The following CDKAL1 variants were observed in gnomAD, a reference collection of about 807,000 sequenced individuals.
The protein encoded by CDKAL1 is CDKAL1 threonylcarbamoyladenosine tRNA methylthiotransferase.
Under a neutral mutation model 68.2 loss-of-function variants are expected in CDKAL1, and 32 were observed. That is an observed-to-expected ratio of 0.47 (90% CI 0.35 to 0.63). The LOEUF (loss-of-function observed/expected upper bound fraction) is 0.63. Ranked by LOEUF, CDKAL1 falls within the 30% of genes least tolerant of loss-of-function variation. CDKAL1 has a pLI of 0.00. For missense variants in CDKAL1, 606 were observed against 696.7 expected (o/e 0.87, Z 1.47); for synonymous variants, 234 against 244.3 (o/e 0.96, Z 0.39).
At chr6:20,881,750 CAT>C (rs1760833282) in intron 9 of CDKAL1, among the ~76,000 whole-genome samples, 2 of 152,078 alleles carry the variant, frequency 1.3e-5, no homozygotes, top group Admixed American at 1.3e-4. Context: ...TTGTGCATCT[CAT>C]GTCTATACTC....
intron 5 of CDKAL1, among the ~76,000 whole-genome samples, chr6:20,731,000 A>T (rs1402400825): frequency 6.6e-6 from 1 of 152,158 alleles, no homozygotes; most frequent in African/African-American, 2.4e-5. Context: ...TGGGCCAAGA[A>T]TGTATCAGTG....
At chr6:20,634,977 CA>C (rs142659533) in intron 4 of CDKAL1, among the ~76,000 whole-genome samples, 36,748 of 99,342 alleles carry the variant, frequency 0.37, 4,400 homozygotes, top group Admixed American at 0.42. Flanking sequence ...AACCCCGTCT[CA>C]AAAAAAAAAA....
intron 6 of CDKAL1, among the ~76,000 whole-genome samples, chr6:20,750,768 A>C (rs186068524): frequency 6.6e-6 from 1 of 152,062 alleles, no homozygotes; most frequent in Non-Finnish European, 1.5e-5. Context: ...GTTCGGGATC[A>C]GTCTGGCCAA....
intron 15 of CDKAL1, among the ~76,000 whole-genome samples, chr6:21,224,286 G>T (rs7770752): frequency 0.24 from 36,685 of 152,094 alleles, 4,913 homozygotes; most frequent in African/African-American, 0.34. Flanking sequence ...CAAAGGTCCT[G>T]ATAAAAATAA....
chr6:20,910,264 T>A (rs1233553972), intron 9 of CDKAL1, among the ~76,000 whole-genome samples: 1 of 152,184 alleles, frequency 6.6e-6, no homozygotes, highest in Non-Finnish European at 1.5e-5. Flanking sequence ...TCATAACAAG[T>A]ACCTCAGGTA....
intron 5 of CDKAL1, among the ~76,000 whole-genome samples, chr6:20,672,254 CTTTCTTTCTTTT>C (rs1769866416): frequency 9.0e-6 from 1 of 111,730 alleles, no homozygotes; most frequent in African/African-American, 4.1e-5. Context: ...TTCTTTCTTT[CTTTCTTTCTTTT>C]TCTTTTTCTT....
At chr6:20,941,728 T>C (rs1763982464) in intron 9 of CDKAL1, among the ~76,000 whole-genome samples, 1 of 152,162 alleles carries the variant, frequency 6.6e-6, no homozygotes, top group Non-Finnish European at 1.5e-5. Context: ...AAATCTTACA[T>C]TATATCTGGG....
chr6:20,842,581 C>T (rs936655179), intron 8 of CDKAL1, among the ~76,000 whole-genome samples: 9 of 152,180 alleles, frequency 5.9e-5, no homozygotes, highest in African/African-American at 1.9e-4. Flanking sequence ...CCTGTAATCC[C>T]AGCACTTTGG....
At chr6:21,134,960 A>AT (rs56144968) in intron 13 of CDKAL1, among the ~76,000 whole-genome samples, 4 of 151,882 alleles carry the variant, frequency 2.6e-5, no homozygotes, top group African/African-American at 7.3e-5. Context: ...CTATTAAGTG[A>AT]TTTTTTTAAA....
At chr6:20,731,872 G>A (rs1772946801) in intron 5 of CDKAL1, among the ~76,000 whole-genome samples, 1 of 151,998 alleles carries the variant, frequency 6.6e-6, no homozygotes, top group Non-Finnish European at 1.5e-5. Context: ...GTTTGTCATG[G>A]AGCCCCATCA....
At chr6:20,816,062 G>A (rs1400914912) in intron 8 of CDKAL1, among the ~76,000 whole-genome samples, 4 of 151,862 alleles carry the variant, frequency 2.6e-5, no homozygotes, top group Non-Finnish European at 5.9e-5. Flanking sequence ...CTTGGCTTTG[G>A]CAGCATGACT....
chr6:20,735,090 G>A (rs1773128639), intron 5 of CDKAL1, among the ~76,000 whole-genome samples: 1 of 151,836 alleles, frequency 6.6e-6, no homozygotes, highest in South Asian at 2.1e-4. Flanking sequence ...GACTGGTCTC[G>A]AACTCCTGAC....
intron 10 of CDKAL1, among the ~76,000 whole-genome samples, chr6:20,981,021 G>C (rs1009839765): frequency 9.4e-4 from 143 of 152,254 alleles, no homozygotes; most frequent in African/African-American, 3.4e-3. Context: ...TCTGAGGGTT[G>C]GGTAGCACCA....
chr6:20,608,031 G>A (rs775328317), intron 4 of CDKAL1, among the ~76,000 whole-genome samples: 3 of 152,102 alleles, frequency 2.0e-5, no homozygotes, highest in Non-Finnish European at 4.4e-5. Flanking sequence ...ATAGCTCAGG[G>A]TACTTACATC....
intron 12 of CDKAL1, among the ~76,000 whole-genome samples, chr6:21,095,097 T>C (rs751867789): frequency 5.9e-5 from 9 of 152,146 alleles, no homozygotes; most frequent in Non-Finnish European, 1.0e-4. Flanking sequence ...CTTCAGTATG[T>C]CTCTCTGAAG....
intron 5 of CDKAL1, among the ~76,000 whole-genome samples, chr6:20,724,582 A>AGG (rs1384886011): frequency 6.6e-6 from 1 of 151,854 alleles, no homozygotes; most frequent in Non-Finnish European, 1.5e-5. Flanking sequence ...CTGAGAGTGG[A>AGG]GGTGCGTGCC....
chr6:21,106,306 G>A (rs968515863), intron 12 of CDKAL1, among the ~76,000 whole-genome samples: 1 of 152,220 alleles, frequency 6.6e-6, no homozygotes, highest in African/African-American at 2.4e-5. Flanking sequence ...GTTTTGCGAG[G>A]ACAAACTGTG....
At chr6:21,136,339 G>C (rs774581212) in intron 13 of CDKAL1, among the ~76,000 whole-genome samples, 7 of 152,178 alleles carry the variant, frequency 4.6e-5, no homozygotes, top group Non-Finnish European at 1.0e-4. Context: ...GTAAGATTCT[G>C]TGTGGTCCCA....
intron 4 of CDKAL1, among the ~76,000 whole-genome samples, chr6:20,641,233 A>G (rs1011097657): frequency 1.3e-5 from 2 of 152,186 alleles, no homozygotes; most frequent in African/African-American, 4.8e-5. Flanking sequence ...AAAGGAAGCT[A>G]TTGATTCCAA....
Sources: allele counts gnomAD v4.1 joint callset (sites outside exome capture counted in the v4.1 genomes callset), GRCh38; gene constraint gnomAD v4.1.1; transcripts MANE v1.5; gene names NCBI Gene and HGNC (gene_info 2026-07-23, HGNC 2026-07-21).